Variants in ZNF532 observed in about 807,000 individuals in gnomAD.
The protein encoded by ZNF532 is zinc finger protein 532.
A neutral mutation model predicts 89.3 loss-of-function variants in ZNF532; 22 were observed. The observed-to-expected ratio is 0.25, with a 90% CI of 0.18 to 0.35. ZNF532 has a LOEUF of 0.35. ZNF532 is among the 10% of genes least tolerant of loss of function. ZNF532 has a pLI of 1.00. For missense variants in ZNF532, 1,132 were observed against 1,643.4 expected (o/e 0.69, Z 5.38); for synonymous variants, 606 against 649.6 (o/e 0.93, Z 1.02).
intron 7 of ZNF532, 46 bp from the exon 8 acceptor site, chr18:58,979,009 G>T (rs192908679): frequency 7.0e-7 from 1 of 1,422,122 alleles, no homozygotes; most frequent in East Asian, 2.3e-5. Flanking sequence ...TTGTTTGAGT[G>T]CATCTATTTT....
Position 58,919,245 on chromosome 18 carries a change from C to T in ZNF532, c.958C>T (p.Leu320Phe). ...TGACAAGTCTCCTGAATCCCAGAATCTCATCGACGGGACCAAAAAACCATC... is the reference window on the plus strand; with the variant it reads ...TGACAAGTCTCCTGAATCCCAGAATTTCATCGACGGGACCAAAAAACCATC... ...AADKSPESQN[L>F]IDGTKKPSLK... The change falls in exon 3 of 10, where the codon CTC (leucine) becomes TTC (phenylalanine). Residue 320 changes from leucine (L) to phenylalanine (F), a missense_variant. Leu to Phe is a conservative substitution (Grantham distance 22, BLOSUM62 0). This residue lies in a region of ZNF532 where 124 missense variants were observed against 191.6 expected (regional missense o/e 0.65). Coordinates refer to ENST00000591808, the MANE Select transcript of ZNF532 (RefSeq NM_001375912.1). The surrounding 1 kb of genome is among the most constrained non-coding windows in gnomAD (Gnocchi z 6.1). 6.2e-7 allele frequency: 1 copy of T among 1,614,082 alleles called. No individual in the cohort carries two copies. The highest frequency in any genetic ancestry group is 8.5e-7 in the Non-Finnish European group (1 of 1,179,944).
chr18:58,896,520 G>C (rs2059261082), intron 2 of ZNF532: 1 of 152,272 alleles, frequency 6.6e-6, no homozygotes, highest in South Asian at 2.1e-4. Context: ...GGGGAAAGAG[G>C]CTGCTGCACA....
At chr18:58,864,172 AG>A (rs1215648220), upstream of ZNF532, 1 of 151,042 alleles carries the variant, frequency 6.6e-6, no homozygotes. Flanking sequence ...AGACAGCCCC[AG>A]TTTTCTTCCC....
Position 58,865,146 on chromosome 18 carries a change from A to G in ZNF532, c.-367A>G, listed in dbSNP as rs2056336493. ...TTTATGACCCTTATTAGAGAAAAAA[A>G]TGTGCCTTGCTAGGGTGGGGACACT... is the stretch of plus-strand genomic sequence containing the variant. On this transcript the variant is annotated 5_prime_UTR_variant, in exon 1 of 10. An upstream start codon of the reference 5' UTR is lost. Coordinates refer to ENST00000591808, the MANE Select transcript of ZNF532 (RefSeq NM_001375912.1). The G allele has an allele frequency of 2.0e-5, 3 of 151,664 alleles. No individual in the cohort carries two copies. In the South Asian group the frequency reaches 6.3e-4, roughly 32 times the overall value. The allele number at this position is 151,664 out of a possible 1,614,324, so 9.4% of individuals were successfully genotyped here.
chr18:58,920,792 TTGGGGA>T (rs2061004208), intron 3 of ZNF532, among the ~76,000 whole-genome samples, 159 bp downstream of exon 3: 2 of 50,238 alleles, frequency 4.0e-5, no homozygotes, highest in Non-Finnish European at 8.4e-5. Context: ...GTGTGTGTGT[TTGGGGA>T]GGGGAGGGGG....
intron 2 of ZNF532, among the ~76,000 whole-genome samples, chr18:58,893,335 T>C (rs926444311): frequency 6.6e-6 from 1 of 152,188 alleles, no homozygotes; most frequent in Non-Finnish European, 1.5e-5. Context: ...AATCTCTTGC[T>C]ATTATTATGT....
At chr18:58,907,214 C>T (rs2145798968) in intron 2 of ZNF532, among the ~76,000 whole-genome samples, 1 of 152,284 alleles carries the variant, frequency 6.6e-6, no homozygotes, top group East Asian at 1.9e-4. Flanking sequence ...AAGACGGAGT[C>T]TCGCTCTGTT....
chr18:58,891,839 C>A (rs1048736741), intron 2 of ZNF532, among the ~76,000 whole-genome samples: 1 of 152,196 alleles, frequency 6.6e-6, no homozygotes, highest in African/African-American at 2.4e-5. Context: ...GCCCTCCCTC[C>A]TAAAGCTGGA....
At position 58,985,001 on chromosome 18, in the gene ZNF532, G is replaced by A. The variant is rs542846211; in HGVS notation, c.*535G>A. The A allele has an allele frequency of 6.4e-6, 1 of 155,562 alleles. No individual in the cohort carries two copies. Among genetic ancestry groups the A allele is most frequent in the South Asian group, 2.0e-4 (1 of 5,076 alleles). The allele number at this position is 155,562 out of a possible 1,614,324, so 9.6% of individuals were successfully genotyped here. A position where few individuals can be genotyped will look rare whatever the true frequency, so the allele number is the denominator to read the frequency against. On this transcript the variant is annotated 3_prime_UTR_variant, in exon 10 of 10. Coordinates refer to ENST00000591808, the MANE Select transcript of ZNF532 (RefSeq NM_001375912.1). ...TCCTCGATGTGCCTGCCCTGAGGGA[G>A]TGAGTTCACATTTGAGACAACTGCA... is the stretch of plus-strand genomic sequence containing the variant.
chr18:58,932,775 A>G (rs186671104), intron 3 of ZNF532, among the ~76,000 whole-genome samples: 3 of 152,294 alleles, frequency 2.0e-5, no homozygotes, highest in Admixed American at 1.3e-4. Context: ...TAAAATACCT[A>G]GCTTACCATT....
At chr18:58,869,348 G>A (rs2056772045) in intron 2 of ZNF532, among the ~76,000 whole-genome samples, 1 of 152,146 alleles carries the variant, frequency 6.6e-6, no homozygotes, top group African/African-American at 2.4e-5. Flanking sequence ...CTCTCTAATG[G>A]GATGACATGC....
intron 2 of ZNF532, among the ~76,000 whole-genome samples, chr18:58,905,777 T>G (rs2059899092): frequency 6.6e-6 from 1 of 152,236 alleles, no homozygotes; most frequent in Non-Finnish European, 1.5e-5. Context: ...TTCCTTAGTT[T>G]TTACCTATTG....
At chr18:58,957,902 T>TA (rs1202772109) in intron 7 of ZNF532, among the ~76,000 whole-genome samples, 1 of 151,990 alleles carries the variant, frequency 6.6e-6, no homozygotes, top group Non-Finnish European at 1.5e-5. Flanking sequence ...CCATCTCTAC[T>TA]AAAAGTACAA....
intron 5 of ZNF532, among the ~76,000 whole-genome samples, chr18:58,943,920 G>A (rs2063434366): frequency 6.6e-6 from 1 of 152,234 alleles, no homozygotes; most frequent in South Asian, 2.1e-4. Flanking sequence ...TAAGAGACAA[G>A]AGTTTTTGAA....
chr18:58,919,820 C>T lies in ZNF532; in HGVS notation c.1533C>T (p.Ser511=). Reference sequence around the variant, plus strand: ...AAACTGTCGTGGTGCCGGCATCCAGCCTGGCCAATGCCAAACTCGTGCCAA... The same window carrying T: ...AAACTGTCGTGGTGCCGGCATCCAGTCTGGCCAATGCCAAACTCGTGCCAA... ...QQQTVVVPAS[S]LANAKLVPKT... Residue 511 remains serine (S), a synonymous_variant, in exon 3 of 10, where the codon AGC becomes AGT. Coordinates refer to ENST00000591808, the MANE Select transcript of ZNF532 (RefSeq NM_001375912.1). This position sits in a 1 kb window ranked among gnomAD's most constrained non-coding sequence, Gnocchi z 6.1. 6.2e-7 allele frequency: 1 copy of T among 1,614,028 alleles called. No individual in the cohort carries two copies. Among genetic ancestry groups the T allele is most frequent in the Non-Finnish European group, 8.5e-7 (1 of 1,179,886 alleles).
At chr18:58,968,558 CCT>C (rs2066149713) in intron 7 of ZNF532, among the ~76,000 whole-genome samples, 3 of 152,314 alleles carry the variant, frequency 2.0e-5, no homozygotes, top group East Asian at 1.9e-4. Flanking sequence ...TCTCCCTTGT[CCT>C]CTCTCAATCT....
chr18:58,866,628 C>T (rs1391466538), intron 2 of ZNF532, among the ~76,000 whole-genome samples: 14 of 152,142 alleles, frequency 9.2e-5, no homozygotes, highest in Admixed American at 9.2e-4. Context: ...TGTTCCTCTC[C>T]GTGTTCAGCA....
intron 7 of ZNF532, among the ~76,000 whole-genome samples, chr18:58,975,710 G>A (rs2066975611): frequency 6.6e-6 from 1 of 152,222 alleles, no homozygotes; most frequent in Non-Finnish European, 1.5e-5. Context: ...GTGTACCCAA[G>A]TGTTTATTTT....
intron 2 of ZNF532, among the ~76,000 whole-genome samples, chr18:58,884,335 T>C (rs866281667): frequency 1.3e-5 from 2 of 152,258 alleles, no homozygotes; most frequent in African/African-American, 4.8e-5. Context: ...GAGCCAAGAT[T>C]GTACCACTGT....
Sources: allele counts gnomAD v4.1 joint callset (sites outside exome capture counted in the v4.1 genomes callset), GRCh38; gene constraint gnomAD v4.1.1; regional missense constraint gnomAD v4.1.1; non-coding constraint Gnocchi (gnomAD v3.1); transcripts MANE v1.5; gene names NCBI Gene and HGNC (gene_info 2026-07-23, HGNC 2026-07-21).